The following SUSD5 variants were observed in gnomAD, a reference collection of about 807,000 sequenced individuals.
SUSD5 encodes the protein sushi domain containing 5.
SUSD5 carries 33 observed loss-of-function variants against 29.5 expected under a neutral mutation model. That is an observed-to-expected ratio of 1.12 (90% CI 0.85 to 1.49). The LOEUF is 1.49. SUSD5 is among the 40% of genes most tolerant of loss of function. SUSD5 has a pLI of 0.00. For missense variants in SUSD5, 776 were observed against 800.6 expected (o/e 0.97, Z 0.37); for synonymous variants, 308 against 325.3 (o/e 0.95, Z 0.57).
Position 33,217,483 on chromosome 3 carries a change from T to TA in SUSD5, c.112+1202dup, listed in dbSNP as rs532896365. Among the ~76,000 whole-genome samples the TA allele has an allele frequency of 5.3e-5, 8 of 152,178 alleles. No homozygotes were observed. In the South Asian group the frequency reaches 1.0e-3, roughly 20 times the overall value. On this transcript the variant is annotated intron_variant, in intron 1 of 4. Coordinates refer to ENST00000309558, the MANE Select transcript of SUSD5 (RefSeq NM_015551.2). Reference sequence around the variant, plus strand: ...AATTTTATGTGAAATACATGTCAATTAAAAAAATTAGCAGTGGTTACTAAC... The same window carrying TA: ...AATTTTATGTGAAATACATGTCAATTAAAAAAAATTAGCAGTGGTTACTAAC...
At chr3:33,172,521 G>A (rs548706789) in intron 4 of SUSD5, among the ~76,000 whole-genome samples, 20 of 152,314 alleles carry the variant, frequency 1.3e-4, no homozygotes, top group African/African-American at 4.1e-4. Flanking sequence ...GCTTCAAGGC[G>A]ACATATTGGA....
At chr3:33,203,466 G>A (rs917951928) in intron 3 of SUSD5, among the ~76,000 whole-genome samples, 1 of 152,244 alleles carries the variant, frequency 6.6e-6, no homozygotes, top group Non-Finnish European at 1.5e-5. Flanking sequence ...GCCCTGTGCA[G>A]CTCTTGCCCA....
intron 3 of SUSD5, among the ~76,000 whole-genome samples, chr3:33,178,008 G>A (rs1339721682): frequency 7.0e-6 from 1 of 143,148 alleles, no homozygotes; most frequent in Non-Finnish European, 1.5e-5. Context: ...GTACAATGCT[G>A]AAAAGCAGTG....
At chr3:33,191,900 T>C (rs2031898366) in intron 3 of SUSD5, among the ~76,000 whole-genome samples, 1 of 152,202 alleles carries the variant, frequency 6.6e-6, no homozygotes, top group Admixed American at 6.5e-5. Context: ...ATCAAGCCAC[T>C]GTATTCTAGC....
intron 3 of SUSD5, among the ~76,000 whole-genome samples, chr3:33,197,137 G>A (rs2032011503): frequency 6.6e-6 from 1 of 152,134 alleles, no homozygotes; most frequent in Non-Finnish European, 1.5e-5. Context: ...AAAAAGTGGT[G>A]GAGATGTTTG....
intron 3 of SUSD5, among the ~76,000 whole-genome samples, chr3:33,180,881 A>T (rs930233512): frequency 1.3e-5 from 2 of 149,064 alleles, no homozygotes; most frequent in South Asian, 2.1e-4. Context: ...ATAGGGTCTT[A>T]CTATGTTGCC....
intron 4 of SUSD5, among the ~76,000 whole-genome samples, chr3:33,162,218 A>G (rs1470743555): frequency 1.3e-5 from 2 of 152,206 alleles, no homozygotes; most frequent in Admixed American, 1.3e-4. Context: ...CTCAAGGGAG[A>G]AATTACTGTG....
intron 3 of SUSD5, among the ~76,000 whole-genome samples, chr3:33,194,748 G>A (rs1351722904): frequency 6.6e-6 from 1 of 152,174 alleles, no homozygotes; most frequent in Non-Finnish European, 1.5e-5. Context: ...GAGGCCATGA[G>A]TGCAGATGAT....
chr3:33,156,992 T>C (rs995429161), intron 4 of SUSD5, among the ~76,000 whole-genome samples: 9 of 152,228 alleles, frequency 5.9e-5, no homozygotes, highest in African/African-American at 2.2e-4. Context: ...TCACACCCCA[T>C]TGTGTCCTGT....
In SUSD5 at chr3:33,153,256, C is replaced by A; in HGVS notation, c.1376G>T (p.Gly459Val). 1 of 1,613,888 alleles carries A rather than the reference C, an allele frequency of 6.2e-7. No homozygotes were observed. Among genetic ancestry groups the A allele is most frequent in the Non-Finnish European group, 8.5e-7 (1 of 1,179,878 alleles). Residue 459 changes from glycine to valine, a missense_variant, in exon 5 of 5, where the codon GGC becomes GTC. By Grantham distance (109) the Gly-to-Val change is moderately radical. Transcript: ENST00000309558. The part of the protein sequence containing the change: ...LRPVNASETE[G>V]IGDGDLTKYQ... Reference sequence around the variant, plus strand: ...CTTCGTCAAGTCACCATCCCCAATGCCCTCAGTCTCGGAAGCATTCACGGG... The same window carrying A: ...CTTCGTCAAGTCACCATCCCCAATGACCTCAGTCTCGGAAGCATTCACGGG...
rs2032171577 is a variant in SUSD5, at chr3:33,204,224, C to G, written c.409+3584G>C. Among the ~76,000 whole-genome samples, 1 of 151,856 alleles carries G rather than the reference C, an allele frequency of 6.6e-6. No homozygotes were observed. Among genetic ancestry groups the G allele is most frequent in the South Asian group, 2.1e-4 (1 of 4,820 alleles). On this transcript the variant is annotated intron_variant, in intron 3 of 4. Coordinates refer to ENST00000309558, the MANE Select transcript of SUSD5 (RefSeq NM_015551.2). The surrounding 1 kb of genome is among the most constrained non-coding windows in gnomAD (Gnocchi z 4.5). The stretch of plus-strand genomic sequence containing the variant: ...ATATATATGTATCTTGCTATGTTGC[C>G]CAGGCTGGTCTCAAACTTCTGGGCT...
intron 3 of SUSD5, among the ~76,000 whole-genome samples, chr3:33,187,085 T>C (rs4678748): frequency 0.6 from 90,578 of 151,940 alleles, 27,230 homozygotes; most frequent in South Asian, 0.66. Context: ...TTTCCACCTT[T>C]CTCAGCTGCC....
At position 33,153,386 on chromosome 3, in the gene SUSD5, C is replaced by T; in HGVS notation, c.1246G>A (p.Glu416Lys). The change falls in exon 5 of 5, where the codon GAA (glutamate) becomes AAA (lysine). Residue 416 changes from glutamate (E) to lysine (K), a missense_variant. Coordinates refer to ENST00000309558, the MANE Select transcript of SUSD5 (RefSeq NM_015551.2). ...LVTPDQPILVEVKKPKSSTLT... is the reference protein window; with the variant it reads ...LVTPDQPILVKVKKPKSSTLT... ...GTGCTACTCTTGGGCTTCTTAACTT[C>T]CACAAGAATGGGCTGATCAGGAGTA... 1 of 1,613,866 alleles carries T rather than the reference C, an allele frequency of 6.2e-7. No individual in the cohort carries two copies. Among genetic ancestry groups the T allele is most frequent in the East Asian group, 2.2e-5 (1 of 44,890 alleles).
Position 33,207,834 on chromosome 3 carries a change from T to C in SUSD5, c.383A>G (p.Tyr128Cys). 1 of 1,613,032 alleles carries C rather than the reference T, an allele frequency of 6.2e-7. No individual in the cohort carries two copies. Among genetic ancestry groups the C allele is most frequent in the South Asian group, 1.1e-5 (1 of 91,046 alleles). ...IESNPVPGGT[Y>C]SALCIKDEEK... ...TTCATCCTTAATACAAAGGGCACTGTATGTGCCACCAGGAACTGGGTTGCT... is the reference window on the plus strand; with the variant it reads ...TTCATCCTTAATACAAAGGGCACTGCATGTGCCACCAGGAACTGGGTTGCT... The change falls in exon 3 of 5, where the codon TAC becomes TGC. Residue 128 changes from tyrosine to cysteine, a missense_variant. By Grantham distance (194) the Tyr-to-Cys change is radical (BLOSUM62 -2). Transcript: ENST00000309558.
intron 3 of SUSD5, among the ~76,000 whole-genome samples, chr3:33,206,428 T>C (rs894974658): frequency 3.0e-5 from 4 of 131,776 alleles, no homozygotes; most frequent in Non-Finnish European, 6.1e-5. Context: ...TGTGTGTGTG[T>C]GTGTGTGTGT....
At chr3:33,207,686 C>A (rs1008795219) in intron 3 of SUSD5, 122 bp downstream of exon 3, 1 of 608,358 alleles carries the variant, frequency 1.6e-6, no homozygotes, top group Admixed American at 3.5e-5. Context: ...CTTTGGAAGA[C>A]TTCCTGATAA....
At chr3:33,176,280 C>T (rs1437453616) in intron 3 of SUSD5, among the ~76,000 whole-genome samples, 1 of 152,160 alleles carries the variant, frequency 6.6e-6, no homozygotes, top group Admixed American at 6.5e-5. Context: ...CGAGTTTTGG[C>T]AACAATGAAT....
chr3:33,168,429 A>C, intron 4 of SUSD5: 1 of 797,036 alleles, frequency 1.3e-6, no homozygotes, highest in Non-Finnish European at 1.5e-6. Flanking sequence ...AAGGAAATTA[A>C]GTCTAAAAGA....
At chr3:33,177,382 T>C (rs946616661) in intron 3 of SUSD5, among the ~76,000 whole-genome samples, 1 of 152,250 alleles carries the variant, frequency 6.6e-6, no homozygotes, top group African/African-American at 2.4e-5. Context: ...TTCTTTGATA[T>C]ATTTCATCAG....
Sources: allele counts gnomAD v4.1 joint callset (sites outside exome capture counted in the v4.1 genomes callset), GRCh38; gene constraint gnomAD v4.1.1; non-coding constraint Gnocchi (gnomAD v3.1); transcripts MANE v1.5; gene names NCBI Gene and HGNC (gene_info 2026-07-23, HGNC 2026-07-21).